L3MBTL4: variants seen among roughly 807,000 people sequenced by gnomAD.
The protein encoded by L3MBTL4 is lethal(3)malignant brain tumor-like protein 4.
Under a neutral mutation model 84.5 loss-of-function variants are expected in L3MBTL4, and 70 were observed. That is an observed-to-expected ratio of 0.83 (90% CI 0.68 to 1.01). The LOEUF is 1.01. L3MBTL4 is among the 50% of genes least tolerant of loss of function. L3MBTL4 has a pLI of 0.00. For missense variants in L3MBTL4, 715 were observed against 754.8 expected (o/e 0.95, Z 0.62); for synonymous variants, 274 against 259.8 (o/e 1.05, Z -0.52).
chr18:6,304,546 A>G (rs2050496695), intron 3 of L3MBTL4, among the ~76,000 whole-genome samples: 1 of 152,242 alleles, frequency 6.6e-6, no homozygotes, highest in Non-Finnish European at 1.5e-5. Context: ...ACAAGCTCCC[A>G]GCAGATGCTA....
At chr18:6,264,252 C>A (rs1162476347) in intron 4 of L3MBTL4, among the ~76,000 whole-genome samples, 1 of 152,160 alleles carries the variant, frequency 6.6e-6, no homozygotes, top group Admixed American at 6.5e-5. Flanking sequence ...TCGGACCAGG[C>A]TAATGAATAT....
chr18:6,263,597 C>T (rs1216751102), intron 5 of L3MBTL4, among the ~76,000 whole-genome samples: 1 of 152,188 alleles, frequency 6.6e-6, no homozygotes, highest in African/African-American at 2.4e-5. Context: ...TAAAACCTAA[C>T]ACTTTCTTGA....
At chr18:5,964,989 A>G (rs2052272152) in intron 17 of L3MBTL4, among the ~76,000 whole-genome samples, 1 of 152,124 alleles carries the variant, frequency 6.6e-6, no homozygotes, top group Non-Finnish European at 1.5e-5. Flanking sequence ...ATTAGTCCCT[A>G]CTCATAAAAG....
At chr18:6,311,492 C>T (rs1232451786) in intron 3 of L3MBTL4, 62 bp downstream of exon 3, 1 of 1,375,922 alleles carries the variant, frequency 7.3e-7, no homozygotes, top group African/African-American at 1.4e-5. Context: ...CTCTACTATT[C>T]CATGGTGCAT....
chr18:6,335,918 T>C (rs2052311944), intron 1 of L3MBTL4, among the ~76,000 whole-genome samples: 1 of 152,208 alleles, frequency 6.6e-6, no homozygotes, highest in Admixed American at 6.5e-5. Context: ...GTAATATCTT[T>C]ATAGCAGTGT....
At chr18:5,959,806 A>C (rs2095253218) in intron 18 of L3MBTL4, among the ~76,000 whole-genome samples, 1 of 151,966 alleles carries the variant, frequency 6.6e-6, no homozygotes, top group Non-Finnish European at 1.5e-5. Flanking sequence ...TGCTGTATGC[A>C]CCAAGCACCA....
chr18:5,992,521 G>T (rs1175456469), intron 16 of L3MBTL4, among the ~76,000 whole-genome samples: 2 of 152,138 alleles, frequency 1.3e-5, no homozygotes, highest in African/African-American at 4.8e-5. Context: ...ATATAGTTTG[G>T]ATGCCTGCCC....
At chr18:6,078,952 CAT>C (rs1208087561) in intron 16 of L3MBTL4, among the ~76,000 whole-genome samples, 2 of 152,186 alleles carry the variant, frequency 1.3e-5, no homozygotes, top group African/African-American at 4.8e-5. Flanking sequence ...AGATCCCTCA[CAT>C]GTGCAGGTCG....
chr18:6,046,929 C>T (rs898470361), intron 16 of L3MBTL4, among the ~76,000 whole-genome samples: 7 of 152,012 alleles, frequency 4.6e-5, no homozygotes, highest in African/African-American at 1.7e-4. Context: ...AAAATTTAGA[C>T]CCAAACATAC....
chr18:6,029,608 C>T (rs1045888552), intron 16 of L3MBTL4: 39 of 984,972 alleles, frequency 4.0e-5, no homozygotes, highest in South Asian at 1.4e-4. Context: ...GTAAGAAGGA[C>T]GCAAGTTCTA....
rs576759800 is a variant in L3MBTL4 at position 6,053,479 on chromosome 18, A to G, written c.1444+27402T>C. Among the ~76,000 whole-genome samples, 194 of 152,334 alleles carry G rather than the reference A, an allele frequency of 1.3e-3. 3 individuals carry two copies. Among genetic ancestry groups the G allele is most frequent in the African/African-American group, 4.6e-3 (190 of 41,586 alleles). ...TTTGTCTGATAACTGGTACTATCAC[A>G]AAAGGCTGCCAACACCACAACCTTC... On this transcript the variant is annotated intron_variant, in intron 16 of 18. Coordinates refer to ENST00000317931, the MANE Select transcript of L3MBTL4 (RefSeq NM_001330559.2).
chr18:6,029,774 C>A, intron 16 of L3MBTL4: 1 of 985,170 alleles, frequency 1.0e-6, no homozygotes, highest in Non-Finnish European at 1.2e-6. Context: ...AAAAGTTGTA[C>A]CAGAAAAACT....
intron 14 of L3MBTL4, among the ~76,000 whole-genome samples, chr18:6,132,139 A>C (rs1430603438): frequency 1.3e-5 from 2 of 152,190 alleles, no homozygotes; most frequent in Non-Finnish European, 2.9e-5. Flanking sequence ...GGAATTTTGA[A>C]TTCCTTGTAT....
At chr18:6,362,276 A>G (rs1352517053) in intron 1 of L3MBTL4, among the ~76,000 whole-genome samples, 1 of 151,834 alleles carries the variant, frequency 6.6e-6, no homozygotes, top group African/African-American at 2.4e-5. Context: ...GGAAAAGAAG[A>G]AAAAGAAAGA....
At chr18:6,127,308 G>A (rs186641073) in intron 14 of L3MBTL4, among the ~76,000 whole-genome samples, 43 of 152,156 alleles carry the variant, frequency 2.8e-4, no homozygotes, top group Non-Finnish European at 5.0e-4. Flanking sequence ...TTTTTAGCTC[G>A]TCAGCTGTCG....
chr18:6,155,438 C>T (rs2043061905), intron 13 of L3MBTL4, among the ~76,000 whole-genome samples: 1 of 152,132 alleles, frequency 6.6e-6, no homozygotes, highest in Admixed American at 6.5e-5. Context: ...GGATGAGAAG[C>T]TCCCAAATAT....
chr18:6,345,356 C>T (rs1291866940), intron 1 of L3MBTL4, among the ~76,000 whole-genome samples: 1 of 151,654 alleles, frequency 6.6e-6, no homozygotes, highest in Non-Finnish European at 1.5e-5. Flanking sequence ...GAGATGGTGC[C>T]ACTGCACTCC....
At chr18:6,042,189 G>T (rs534044631) in intron 16 of L3MBTL4, among the ~76,000 whole-genome samples, 2 of 152,076 alleles carry the variant, frequency 1.3e-5, no homozygotes, top group African/African-American at 4.8e-5. Flanking sequence ...TACAGAAGCC[G>T]TTCCTCCTCC....
intron 16 of L3MBTL4, among the ~76,000 whole-genome samples, chr18:6,079,548 G>A (rs545024037): frequency 9.2e-5 from 14 of 152,282 alleles, no homozygotes; most frequent in African/African-American, 2.9e-4. Context: ...GTATGCAAAT[G>A]CATTTTGCTA....
Sources: gnomAD v4.1 joint callset for allele counts (sites outside exome capture counted in the v4.1 genomes callset) on GRCh38, gnomAD v4.1.1 for gene constraint, MANE v1.5 for transcripts, NCBI Gene and HGNC (gene_info 2026-07-23, HGNC 2026-07-21) for gene names.